Variants in DDX31 observed in about 807,000 individuals in gnomAD.
DDX31 encodes ATP-dependent DNA helicase DDX31.
In DDX31, 70 loss-of-function variants were observed where a neutral mutation model predicts 91.3. The ratio of observed to expected loss-of-function variants is 0.77; its 90% CI spans 0.63 to 0.94. The LOEUF (loss-of-function observed/expected upper bound fraction) is 0.94. Among genes scored for constraint, DDX31 ranks in the 40% least tolerant of loss-of-function variants. DDX31 has a pLI of 0.00. For synonymous variants in DDX31, 362 were observed against 350.6 expected (o/e 1.03, Z -0.36); for missense variants, 902 against 925.0 (o/e 0.98, Z 0.32).
At position 132,612,189 on chromosome 9, in the gene DDX31, C is replaced by A. The variant is rs774250665; in HGVS notation, c.1892G>T (p.Arg631Leu). The A allele has an allele frequency of 6.2e-7, 1 of 1,614,142 alleles. No homozygotes were observed. The highest frequency in any genetic ancestry group is 1.1e-5 in the South Asian group (1 of 91,078). The change falls in exon 19 of 20, where the codon CGA becomes CTA. Residue 631 changes from arginine to leucine, a missense_variant. By Grantham distance (102) the Arg-to-Leu change is moderately radical. Coordinates refer to ENST00000372159, the MANE Select transcript of DDX31 (RefSeq NM_022779.9). ...CGCCACATGCCCAAGGTGGAGGGAT[C>A]GGACGTGGAAGATGTGCTTCAGCTC... ...PRELKHIFHV[R>L]SLHLGHVAKS...
At chr9:132,607,909 G>A (rs1290461686) in intron 19 of DDX31, among the ~76,000 whole-genome samples, 3 of 152,116 alleles carry the variant, frequency 2.0e-5, no homozygotes. Context: ...AGAGAGAATC[G>A]TGGCCCTATT....
At chr9:132,661,967 C>T (rs574550492) in intron 3 of DDX31, among the ~76,000 whole-genome samples, 7 of 152,188 alleles carry the variant, frequency 4.6e-5, no homozygotes, top group Non-Finnish European at 2.9e-5. Flanking sequence ...AAGTGATGTC[C>T]TGACCCTAAA....
At chr9:132,634,945 G>A (rs2583800) in intron 14 of DDX31, among the ~76,000 whole-genome samples, 1 of 152,058 alleles carries the variant, frequency 6.6e-6, no homozygotes, top group South Asian at 2.1e-4. Context: ...TGTCTCTGTA[G>A]ACTTCCTTAG....
At chr9:132,655,495 G>A (rs771083700) in intron 6 of DDX31, among the ~76,000 whole-genome samples, 1 of 152,146 alleles carries the variant, frequency 6.6e-6, no homozygotes, top group Non-Finnish European at 1.5e-5. Context: ...TTGATATGCA[G>A]AGAATTTCCC....
chr9:132,669,567 T>C (rs1222282844), intron 1 of DDX31: 1 of 1,462,846 alleles, frequency 6.8e-7, no homozygotes, highest in African/African-American at 1.4e-5. Context: ...CTTCAGGTCC[T>C]ACCTTCCACG....
In DDX31 at chr9:132,662,222, CA is replaced by C. The variant is rs374093413; in HGVS notation, c.408+38del. ...AGACCTTCTGAACGGACAAACACAC[CA>C]AAAAAAACTGACCCAGAAAACACTG... On this transcript the variant is annotated intron_variant, in intron 3 of 19. Coordinates refer to ENST00000372159, the MANE Select transcript of DDX31 (RefSeq NM_022779.9). The C allele has an allele frequency of 5.3e-4, 849 of 1,599,054 alleles. 16 individuals are homozygous for C. In the South Asian group the frequency reaches 8.7e-3, roughly 16 times the overall value.
chr9:132,668,598 C>T (rs1590120224), intron 1 of DDX31, among the ~76,000 whole-genome samples: 2 of 148,742 alleles, frequency 1.3e-5, no homozygotes, highest in East Asian at 2.0e-4. Context: ...GACGGAGTCT[C>T]GTTCTGTTGC....
intron 4 of DDX31, among the ~76,000 whole-genome samples, chr9:132,660,635 G>C (rs1377144955): frequency 6.6e-6 from 1 of 152,094 alleles, no homozygotes; most frequent in Non-Finnish European, 1.5e-5. Flanking sequence ...AAAACTTGTG[G>C]GGAGGTCCCT....
rs1485094617 is a variant in DDX31 at position 132,669,908 on chromosome 9, G to T, written c.27C>A (p.Phe9Leu). MAAADGSL[F>L]DNPRTFSRRP... is the part of the protein sequence containing the mutation. ...GTCTGGAGAACGTCCTGGGGTTGTC[G>T]AAGAGCGAACCGTCGGCGGCTGCCA... The change falls in exon 1 of 20, where the codon TTC (phenylalanine) becomes TTA (leucine). Residue 9 changes from phenylalanine (F) to leucine (L), a missense_variant. Coordinates refer to ENST00000372159, the MANE Select transcript of DDX31 (RefSeq NM_022779.9). 3 of 1,597,036 alleles carry T rather than the reference G, an allele frequency of 1.9e-6. No individual in the cohort carries two copies. The highest frequency in any genetic ancestry group is 2.6e-6 in the Non-Finnish European group (3 of 1,172,814).
At chr9:132,669,521 G>A in intron 1 of DDX31, 1 of 1,350,166 alleles carries the variant, frequency 7.4e-7, no homozygotes, top group African/African-American at 1.5e-5. Context: ...AACTGGCTTA[G>A]AGAAGTTAAG....
intron 18 of DDX31, among the ~76,000 whole-genome samples, chr9:132,617,503 T>C (rs984046980): frequency 1.3e-5 from 2 of 152,138 alleles, no homozygotes; most frequent in African/African-American, 4.8e-5. Context: ...TAAATATTTG[T>C]CAAATGAATG....
At chr9:132,669,555 A>C (rs1163041890) in intron 1 of DDX31, 2 of 1,444,778 alleles carry the variant, frequency 1.4e-6, no homozygotes, top group African/African-American at 2.8e-5. Flanking sequence ...CTTGCGCCGG[A>C]ACTTCAGGTC....
intron 8 of DDX31, among the ~76,000 whole-genome samples, chr9:132,650,756 C>A (rs1834133366): frequency 6.6e-6 from 1 of 152,224 alleles, no homozygotes; most frequent in Non-Finnish European, 1.5e-5. Flanking sequence ...CTTTCTTAAA[C>A]AAATCCTACT....
intron 14 of DDX31, among the ~76,000 whole-genome samples, chr9:132,640,662 A>G (rs1833446075): frequency 6.6e-6 from 1 of 151,784 alleles, no homozygotes; most frequent in Non-Finnish European, 1.5e-5. Context: ...ATGCCTGGCT[A>G]ATTTTTATTC....
At chr9:132,635,901 G>A (rs1234769697) in intron 14 of DDX31, among the ~76,000 whole-genome samples, 1 of 151,676 alleles carries the variant, frequency 6.6e-6, no homozygotes, top group Non-Finnish European at 1.5e-5. Context: ...CCAAGATTGC[G>A]CCGTTGCACT....
chr9:132,645,841 C>T, intron 13 of DDX31, 54 bp downstream of exon 13: 2 of 1,555,954 alleles, frequency 1.3e-6, no homozygotes, highest in African/African-American at 1.4e-5. Flanking sequence ...AGGTTCGCCC[C>T]CATCTCCACG....
chr9:132,642,278 C>T (rs306535), intron 13 of DDX31, among the ~76,000 whole-genome samples: 10,702 of 152,096 alleles, frequency 0.07, 485 homozygotes, highest in East Asian at 0.11. Context: ...AAGTAGCAGG[C>T]GCTTTGAGGG....
chr9:132,653,363 G>A (rs1393642165), intron 6 of DDX31, among the ~76,000 whole-genome samples: 1 of 150,944 alleles, frequency 6.6e-6, no homozygotes, highest in East Asian at 1.9e-4. Context: ...GCATGGTGGC[G>A]GGCGCCTGTA....
At chr9:132,657,933 T>C (rs1834675850) in intron 6 of DDX31, 2 of 194,674 alleles carry the variant, frequency 1.0e-5, no homozygotes, top group African/African-American at 2.3e-5. Flanking sequence ...TTCAGCTAAA[T>C]GGCTGCTTAT....
Sources: gnomAD v4.1 joint callset for allele counts (sites outside exome capture counted in the v4.1 genomes callset) on GRCh38, gnomAD v4.1.1 for gene constraint, MANE v1.5 for transcripts, NCBI Gene and HGNC (gene_info 2026-07-23, HGNC 2026-07-21) for gene names.